Variants in GPC3 observed in about 807,000 individuals in gnomAD.
GPC3 encodes the protein glypican-3.
Under a neutral mutation model 34.4 loss-of-function variants are expected in GPC3, and 3 were observed. The observed-to-expected ratio is 0.09, with a 90% confidence interval of 0.04 to 0.23. GPC3 has a LOEUF of 0.23. GPC3 is among the 10% of genes least tolerant of loss of function. GPC3 has a pLI of 1.00. For missense variants in GPC3, 351 were observed against 445.6 expected (o/e 0.79, Z 1.91); for synonymous variants, 177 against 174.0 (o/e 1.02, Z -0.13).
intron 2 of GPC3, among the ~76,000 whole-genome samples, chrX:133,855,185 C>A (rs924695728): frequency 1.1e-4 from 12 of 110,245 alleles, no homozygotes; most frequent in African/African-American, 3.3e-4. Flanking sequence ...TTTGTTGAGA[C>A]AGGGTCCTGT....
At chrX:133,729,712 A>G (rs1184775343) in intron 3 of GPC3, among the ~76,000 whole-genome samples, 1 of 112,422 alleles carries the variant, frequency 8.9e-6, no homozygotes, top group Non-Finnish European at 1.9e-5. Context: ...GAGAAACCTT[A>G]TCAAATGAAG....
intron 2 of GPC3, among the ~76,000 whole-genome samples, chrX:133,835,068 C>G (rs1367586675): frequency 8.9e-6 from 1 of 111,920 alleles, no homozygotes; most frequent in East Asian, 2.8e-4. Flanking sequence ...CTATATTTTA[C>G]AGTGTTTAAT....
intron 5 of GPC3, among the ~76,000 whole-genome samples, chrX:133,673,284 G>T (rs912565353): frequency 8.9e-6 from 1 of 112,489 alleles, no homozygotes; most frequent in Non-Finnish European, 1.9e-5. Context: ...AAATATCAGG[G>T]TTAGAAAGGA....
chrX:133,677,909 C>T (rs1311732029), intron 5 of GPC3, among the ~76,000 whole-genome samples: 2 of 111,267 alleles, frequency 1.8e-5, no homozygotes, highest in Admixed American at 9.6e-5. Flanking sequence ...GCACAGAACA[C>T]TCATTCCAGG....
intron 2 of GPC3, among the ~76,000 whole-genome samples, chrX:133,845,076 A>G (rs1165679235): frequency 8.9e-6 from 1 of 111,837 alleles, no homozygotes; most frequent in Non-Finnish European, 1.9e-5. Flanking sequence ...GGGAGTAGGA[A>G]GCTACCTTCC....
intron 1 of GPC3, among the ~76,000 whole-genome samples, chrX:133,977,893 C>T (rs1442607478): frequency 9.0e-6 from 1 of 111,485 alleles, no homozygotes; most frequent in Non-Finnish European, 1.9e-5. Flanking sequence ...ATGAAATTTC[C>T]ATGGCGGAAA....
At chrX:133,895,258 T>C (rs2076106385) in intron 2 of GPC3, among the ~76,000 whole-genome samples, 1 of 111,942 alleles carries the variant, frequency 8.9e-6, no homozygotes. Flanking sequence ...TGGAAAGTTA[T>C]TGCCTGGATT....
intron 2 of GPC3, among the ~76,000 whole-genome samples, chrX:133,816,789 A>G (rs1019411791): frequency 1.8e-5 from 2 of 111,599 alleles, no homozygotes; most frequent in Admixed American, 1.9e-4. Flanking sequence ...TACACTCTCC[A>G]ATCTATATAT....
At chrX:133,942,915 T>A (rs1247252436) in intron 2 of GPC3, among the ~76,000 whole-genome samples, 3 of 111,964 alleles carry the variant, frequency 2.7e-5, no homozygotes, top group African/African-American at 9.7e-5. Context: ...TTCTTTTAAA[T>A]CAGTTAATGA....
At chrX:133,619,668 G>A (rs970448550) in intron 6 of GPC3, among the ~76,000 whole-genome samples, 10 of 111,166 alleles carry the variant, frequency 9.0e-5, no homozygotes, top group Admixed American at 2.9e-4. Flanking sequence ...GGGTTGCCAG[G>A]GGTCAGGGGT....
intron 7 of GPC3, among the ~76,000 whole-genome samples, chrX:133,549,881 C>T (rs759695476): frequency 6.2e-5 from 6 of 96,943 alleles, no homozygotes; most frequent in African/African-American, 2.3e-4. Context: ...TCCTGTCTTC[C>T]CTCCCTCCTT....
chrX:133,593,157 G>A (rs1275728678), intron 7 of GPC3, among the ~76,000 whole-genome samples: 1 of 107,960 alleles, frequency 9.3e-6, no homozygotes, highest in Non-Finnish European at 1.9e-5. Context: ...GCAAAACCCT[G>A]TCTCTACTAA....
intron 1 of GPC3, among the ~76,000 whole-genome samples, chrX:133,973,724 G>A (rs1256490380): frequency 8.9e-6 from 1 of 112,283 alleles, no homozygotes; most frequent in East Asian, 2.8e-4. Flanking sequence ...GCGTTTACTT[G>A]GAACCACATG....
At chrX:133,840,051 G>A (rs2075817292) in intron 2 of GPC3, among the ~76,000 whole-genome samples, 1 of 110,945 alleles carries the variant, frequency 9.0e-6, no homozygotes, top group Admixed American at 9.6e-5. Context: ...AAAGGAACTA[G>A]GTATTAGGAG....
chrX:133,740,899 C>T (rs375243115), intron 3 of GPC3, among the ~76,000 whole-genome samples: 3 of 110,324 alleles, frequency 2.7e-5, no homozygotes, highest in Non-Finnish European at 3.8e-5. Context: ...TTTAAAAAAA[C>T]GTAAATGAAA....
At chrX:133,910,864 G>C (rs1488877630) in intron 2 of GPC3, among the ~76,000 whole-genome samples, 1 of 111,673 alleles carries the variant, frequency 9.0e-6, no homozygotes, top group Non-Finnish European at 1.9e-5. Context: ...TGAAGGACAA[G>C]AATTTCAGGA....
intron 1 of GPC3, among the ~76,000 whole-genome samples, chrX:133,978,334 G>A (rs770719823): frequency 3.7e-4 from 42 of 112,158 alleles, no homozygotes; most frequent in Non-Finnish European, 7.3e-4. Context: ...GTATGTTTCC[G>A]TAACTGGCAC....
At chrX:133,791,797 TTTCCTTCCTTCCTTCCTTCCTTCC>T (rs199692354) in intron 2 of GPC3, among the ~76,000 whole-genome samples, 1,382 of 80,204 alleles carry the variant, frequency 0.017, 39 homozygotes, top group African/African-American at 0.064. Flanking sequence ...TCCTTTTTCT[TTTCCTTCCTTCCTTCCTTCCTTCC>T]TTCCTTCCTT....
chrX:133,857,826 G>T (rs2075911713), intron 2 of GPC3, among the ~76,000 whole-genome samples: 2 of 112,358 alleles, frequency 1.8e-5, no homozygotes, highest in African/African-American at 3.2e-5. Context: ...CCTTTTACTG[G>T]CAAGTACAGT....
Sources: gnomAD v4.1 joint callset for allele counts (sites outside exome capture counted in the v4.1 genomes callset) on GRCh38, gnomAD v4.1.1 for gene constraint, MANE v1.5 for transcripts, NCBI Gene and HGNC (gene_info 2026-07-23, HGNC 2026-07-21) for gene names.